Variants in ZNF512 observed in about 807,000 individuals in gnomAD.
ZNF512 encodes zinc finger protein 512.
A neutral mutation model predicts 77.5 loss-of-function variants in ZNF512; 25 were observed. The ratio of observed to expected loss-of-function variants is 0.32; its 90% CI spans 0.23 to 0.45. The LOEUF (loss-of-function observed/expected upper bound fraction) is 0.45. Ranked by LOEUF, ZNF512 falls within the 20% of genes least tolerant of loss-of-function variation. The pLI, the probability that ZNF512 is intolerant of heterozygous loss-of-function variation, is 1.00. For synonymous variants in ZNF512, 246 were observed against 239.9 expected (o/e 1.03, Z -0.24); for missense variants, 483 against 692.6 (o/e 0.70, Z 3.40).
intron 2 of ZNF512, among the ~76,000 whole-genome samples, chr2:27,595,445 C>G (rs1452358799): frequency 6.6e-6 from 1 of 152,094 alleles, no homozygotes; most frequent in Non-Finnish European, 1.5e-5. Flanking sequence ...CTGCCTCAGC[C>G]TGCCGAGTAG....
At position 27,583,050 on chromosome 2, in the gene ZNF512, G is replaced by C; in HGVS notation, c.-63G>C. 6.3e-7 allele frequency: 1 copy of C among 1,596,384 alleles called. No homozygotes were observed. The highest frequency in any genetic ancestry group is 8.6e-7 in the Non-Finnish European group (1 of 1,163,794). ...CCGAGCCCACATCCGGGAGAGGAGA[G>C]CGGAAGTGGCGTTGGTCTGGCCGGA... On this transcript the variant is annotated 5_prime_UTR_variant, in exon 1 of 14. Transcript: ENST00000355467.
intron 7 of ZNF512, 57 bp downstream of exon 7, chr2:27,601,499 G>A (rs902344072): frequency 1.4e-6 from 2 of 1,414,292 alleles, no homozygotes; most frequent in African/African-American, 1.4e-5. Context: ...TTTTGAGATG[G>A]AGTCTCACTC....
chr2:27,621,006 A>G (rs932092826), intron 13 of ZNF512, 147 bp from the exon 14 acceptor site: 14 of 866,120 alleles, frequency 1.6e-5, no homozygotes, highest in African/African-American at 3.4e-5. Flanking sequence ...CCATCTTAAA[A>G]TATAGAATCC....
At chr2:27,590,935 A>C (rs1005561626) in intron 2 of ZNF512, among the ~76,000 whole-genome samples, 1 of 152,372 alleles carries the variant, frequency 6.6e-6, no homozygotes, top group South Asian at 2.1e-4. Context: ...GTCTGCTTAC[A>C]ATGAATTCTC....
chr2:27,618,849 A>T (rs897757485), intron 13 of ZNF512, among the ~76,000 whole-genome samples: 6 of 152,204 alleles, frequency 3.9e-5, no homozygotes, highest in African/African-American at 1.4e-4. Context: ...TTAGGAATAC[A>T]ATTTGCATTC....
At position 27,603,250 on chromosome 2, in the gene ZNF512, A is replaced by C; in HGVS notation, c.879A>C (p.Gly293=). The C allele has an allele frequency of 6.2e-7, 1 of 1,614,142 alleles. No homozygotes were observed. The highest frequency in any genetic ancestry group is 8.5e-7 in the Non-Finnish European group (1 of 1,180,006). The stretch of plus-strand genomic sequence containing the variant: ...TGACCCTGAAATGTCACCACTGTGG[A>C]AAACCATATAGGTCGAAGGCTGGAC... ...EKMTLKCHHC[G]KPYRSKAGLA... The change falls in exon 9 of 14, where the codon GGA becomes GGC. Residue 293 remains glycine (G), a synonymous_variant. Transcript: ENST00000355467.
intron 9 of ZNF512, among the ~76,000 whole-genome samples, chr2:27,605,963 T>C (rs1672337300): frequency 1.3e-5 from 2 of 152,226 alleles, no homozygotes; most frequent in African/African-American, 4.8e-5. Context: ...TGCATCCTTG[T>C]CTACATTTAT....
intron 8 of ZNF512, among the ~76,000 whole-genome samples, chr2:27,602,766 T>C (rs1672177674): frequency 6.6e-6 from 1 of 152,230 alleles, no homozygotes; most frequent in Admixed American, 6.5e-5. Flanking sequence ...TGGGGTTTCC[T>C]TACCATCCTT....
chr2:27,610,544 GTATA>G (rs1247718248), intron 10 of ZNF512, among the ~76,000 whole-genome samples: 1,803 of 32,542 alleles, frequency 0.055, 86 homozygotes, highest in Middle Eastern at 0.088. Flanking sequence ...ATATGTGTGT[GTATA>G]TATATATATA....
At chr2:27,612,708 C>CT (rs1202133648) in intron 10 of ZNF512, among the ~76,000 whole-genome samples, 1 of 152,162 alleles carries the variant, frequency 6.6e-6, no homozygotes, top group Non-Finnish European at 1.5e-5. Flanking sequence ...GAATTACCAA[C>CT]TTATTCCCTT....
rs1413007886 is a variant in ZNF512 at position 27,610,544 on chromosome 2, G to GTGTATATATATATA, written c.1131+2506_1131+2507insGTATATATATATAT. On this transcript the variant is annotated intron_variant, in intron 10 of 13. Transcript: ENST00000355467. ...TATGTGTGTGTATATATATGTGTGT[G>GTGTATATATATATA]TATATATATATATATATATATATAT... Among the ~76,000 whole-genome samples, 33 of 32,656 alleles carry GTGTATATATATATA rather than the reference G, an allele frequency of 1.0e-3. 1 individual carries two copies. Among genetic ancestry groups the GTGTATATATATATA allele is most frequent in the African/African-American group, 4.7e-3 (32 of 6,838 alleles). 21.4% of individuals were successfully genotyped at this position (32,656 alleles called of 152,430 possible).
chr2:27,590,148 G>A, intron 2 of ZNF512, among the ~76,000 whole-genome samples: 1 of 152,152 alleles, frequency 6.6e-6, no homozygotes, highest in East Asian at 1.9e-4. Context: ...CTGAAAGGGG[G>A]AGGTCTTAAA....
chr2:27,615,109 TG>T, intron 10 of ZNF512, 58 bp from the exon 11 acceptor site: 1 of 993,100 alleles, frequency 1.0e-6, no homozygotes, highest in Admixed American at 2.1e-5. Context: ...GTGAAACTTT[TG>T]GGATATTTTG....
chr2:27,616,658 T>C (rs1672892807), intron 12 of ZNF512, among the ~76,000 whole-genome samples: 1 of 152,224 alleles, frequency 6.6e-6, no homozygotes, highest in Admixed American at 6.5e-5. Flanking sequence ...CCTGTTTAGG[T>C]GGGCCTAAAA....
chr2:27,606,061 C>T (rs1237366367), intron 9 of ZNF512, among the ~76,000 whole-genome samples: 3 of 150,298 alleles, frequency 2.0e-5, no homozygotes, highest in Admixed American at 6.7e-5. Context: ...TAATGACTAA[C>T]GATGCTTAAT....
In ZNF512 at chr2:27,594,196, A is replaced by G. The variant is rs1019140133; in HGVS notation, c.90-3871A>G. ...CATCCCAGATGGGGCGGCCAGGCAG[A>G]GGCACTCCTCACCTCCCGGACAGGG... On this transcript the variant is annotated intron_variant, in intron 2 of 13. Coordinates refer to ENST00000355467, the MANE Select transcript of ZNF512 (RefSeq NM_032434.4). 3.5e-5 allele frequency among the ~76,000 whole-genome samples: 5 copies of G among 141,070 alleles called. No individual in the cohort carries two copies. In the Admixed American group the frequency reaches 3.6e-4, roughly 10 times the overall value. 92.5% of individuals were successfully genotyped at this position (141,070 alleles called of 152,430 possible). A position where few individuals can be genotyped will look rare whatever the true frequency, so the allele number is the denominator to read the frequency against.
At chr2:27,605,185 G>A (rs1479735558) in intron 9 of ZNF512, among the ~76,000 whole-genome samples, 1 of 152,032 alleles carries the variant, frequency 6.6e-6, no homozygotes, top group East Asian at 1.9e-4. Context: ...TGGGCACAAT[G>A]ACTCATGCCT....
In ZNF512 at chr2:27,617,518, G is replaced by A; in HGVS notation, c.1342G>A (p.Glu448Lys). 4 of 1,524,964 alleles carry A rather than the reference G, an allele frequency of 2.6e-6. No individual in the cohort carries two copies. The highest frequency in any genetic ancestry group is 3.6e-6 in the Non-Finnish European group (4 of 1,098,762). The allele number at this position is 1,524,964 out of a possible 1,614,324, so 94.5% of individuals were successfully genotyped here. A position where few individuals can be genotyped will look rare whatever the true frequency, so the allele number is the denominator to read the frequency against. ...GKYKCLLCQK[E>K]FVSESGVKYH... ...ATACAAATGTCTTCTATGTCAGAAA[G>A]AATTTGTGTCAGAGAGTGGTGTCAA... The change falls in exon 13 of 14, where the codon GAA becomes AAA. Residue 448 changes from glutamate to lysine, a missense_variant. Physicochemically the swap from Glu to Lys is moderately conservative, Grantham distance 56. Transcript: ENST00000355467.
intron 3 of ZNF512, 58 bp from the exon 4 acceptor site, chr2:27,599,525 T>C: frequency 7.0e-6 from 9 of 1,277,302 alleles, no homozygotes; most frequent in African/African-American, 3.0e-5. Flanking sequence ...AAGACAGGCC[T>C]AGATGTTCAT....
Sources: allele counts gnomAD v4.1 joint callset (sites outside exome capture counted in the v4.1 genomes callset), GRCh38; gene constraint gnomAD v4.1.1; transcripts MANE v1.5; gene names NCBI Gene and HGNC (gene_info 2026-07-23, HGNC 2026-07-21).